The following USP12 variants were observed in gnomAD, a reference collection of about 807,000 sequenced individuals.
USP12 encodes ubiquitin carboxyl-terminal hydrolase 12.
A neutral mutation model predicts 45.5 loss-of-function variants in USP12; 19 were observed. The ratio of observed to expected loss-of-function variants is 0.42; its 90% confidence interval spans 0.29 to 0.61. USP12 has a LOEUF of 0.61. USP12 is among the 20% of genes least tolerant of loss of function. The pLI is 0.22. For missense variants in USP12, 242 were observed against 447.7 expected (o/e 0.54, Z 4.15); for synonymous variants, 149 against 148.8 (o/e 1.00, Z -0.01).
At chr13:27,075,798 G>A (rs879276914) in intron 6 of USP12, among the ~76,000 whole-genome samples, 2 of 152,132 alleles carry the variant, frequency 1.3e-5, no homozygotes, top group Admixed American at 6.5e-5. Context: ...GGGAGGCCGA[G>A]GCAGGTGGAT....
chr13:27,113,706 G>T (rs551198617), intron 2 of USP12, among the ~76,000 whole-genome samples: 1 of 152,264 alleles, frequency 6.6e-6, no homozygotes, highest in African/African-American at 2.4e-5. Context: ...AACAGGGCTG[G>T]ACGCTTGGTA....
At chr13:27,114,840 TAGAC>T (rs1363880940) in intron 2 of USP12, among the ~76,000 whole-genome samples, 1 of 151,846 alleles carries the variant, frequency 6.6e-6, no homozygotes, top group Non-Finnish European at 1.5e-5. Context: ...TTTTAAAAAT[TAGAC>T]AGGCATGGTG....
At chr13:27,154,718 A>G (rs930600584) in intron 1 of USP12, among the ~76,000 whole-genome samples, 6 of 148,206 alleles carry the variant, frequency 4.0e-5, no homozygotes, top group African/African-American at 1.5e-4. Flanking sequence ...CCTAATCCCC[A>G]GAACCTGTGA....
Position 27,095,824 on chromosome 13 carries a change from A to C in USP12, c.350T>G (p.Phe117Cys). 1 of 1,582,290 alleles carries C rather than the reference A, an allele frequency of 6.3e-7. No individual in the cohort carries two copies. The highest frequency in any genetic ancestry group is 1.2e-5 in the South Asian group (1 of 84,016). ...GGCATCTTGTTGCATGTAGTTGTCA[A>C]AAAGCTCTGAAAATAAAAACATTAT... is the stretch of plus-strand genomic sequence containing the variant. ...ITRLRKENEL[F>C]DNYMQQDAHE... is the part of the protein sequence containing the mutation. The change falls in exon 4 of 9, where the codon TTT becomes TGT. Residue 117 changes from phenylalanine (F) to cysteine (C), a missense_variant. This residue lies in a region of USP12 where 77 missense variants were observed against 153.7 expected (regional missense o/e 0.50). Transcript: ENST00000282344.
intron 1 of USP12, among the ~76,000 whole-genome samples, chr13:27,153,511 G>T (rs1367504821): frequency 6.6e-6 from 1 of 152,124 alleles, no homozygotes; most frequent in Non-Finnish European, 1.5e-5. Context: ...GACAAGAGTG[G>T]AAACGTCACT....
chr13:27,083,324 T>C (rs916092711), intron 6 of USP12, among the ~76,000 whole-genome samples: 1 of 152,242 alleles, frequency 6.6e-6, no homozygotes, highest in Non-Finnish European at 1.5e-5. Flanking sequence ...ATGGCACTGA[T>C]AGACTTGCTC....
intron 6 of USP12, among the ~76,000 whole-genome samples, chr13:27,086,774 C>T (rs561633986): frequency 7.0e-4 from 106 of 152,252 alleles, no homozygotes; most frequent in African/African-American, 2.4e-3. Flanking sequence ...ACTTATCCAA[C>T]GGTCTTAGGT....
chr13:27,069,895 C>A (rs1340246188), intron 8 of USP12, among the ~76,000 whole-genome samples: 1 of 152,136 alleles, frequency 6.6e-6, no homozygotes, highest in African/African-American at 2.4e-5. Context: ...GGTGGTGAGC[C>A]GAGATCGCAC....
chr13:27,101,654 C>CA (rs952753575), intron 3 of USP12, among the ~76,000 whole-genome samples: 79 of 147,520 alleles, frequency 5.4e-4, no homozygotes, highest in African/African-American at 1.1e-3. Flanking sequence ...AACAATAATG[C>CA]AAAAAAAAAT....
intron 3 of USP12, among the ~76,000 whole-genome samples, chr13:27,103,843 C>T (rs903389538): frequency 3.3e-5 from 5 of 151,574 alleles, no homozygotes; most frequent in African/African-American, 1.2e-4. Flanking sequence ...TAAAAATACC[C>T]CAGGTTTGAC....
At chr13:27,145,966 G>A (rs1422543558) in intron 1 of USP12, among the ~76,000 whole-genome samples, 1 of 151,988 alleles carries the variant, frequency 6.6e-6, no homozygotes, top group Non-Finnish European at 1.5e-5. Context: ...ACAAACTGAG[G>A]GCACACTCAC....
intron 1 of USP12, among the ~76,000 whole-genome samples, chr13:27,142,243 A>G (rs1237869603): frequency 2.0e-5 from 3 of 152,246 alleles, no homozygotes; most frequent in Non-Finnish European, 4.4e-5. Context: ...AAGAAACAGC[A>G]GCCAAACCCA....
intron 3 of USP12, among the ~76,000 whole-genome samples, chr13:27,097,198 G>C (rs1874626845): frequency 6.6e-6 from 1 of 151,790 alleles, no homozygotes; most frequent in African/African-American, 2.4e-5. Context: ...CAAGCGCAGT[G>C]GCTCATGCCT....
At chr13:27,107,088 G>A (rs1875176792) in intron 2 of USP12, among the ~76,000 whole-genome samples, 1 of 152,134 alleles carries the variant, frequency 6.6e-6, no homozygotes, top group Admixed American at 6.5e-5. Flanking sequence ...ACTTTGGGAG[G>A]CCGAGGCAGG....
At position 27,171,531 on chromosome 13, in the gene USP12, A is replaced by G. The variant is rs1593222316; in HGVS notation, c.48+61T>C. The G allele has an allele frequency of 5.3e-6, 5 of 950,934 alleles. No individual in the cohort carries two copies. The Admixed American group carries it at 1.5e-4, about 28-fold the overall frequency. The allele number at this position is 950,934 out of a possible 1,614,324, so 58.9% of individuals were successfully genotyped here. ...AGCGGCCACTGGGAGAGGCGGGTCCAGCGCCGCCCGCCCGCCCGAGAGGTC... is the reference window on the plus strand; with the variant it reads ...AGCGGCCACTGGGAGAGGCGGGTCCGGCGCCGCCCGCCCGCCCGAGAGGTC... On this transcript the variant is annotated intron_variant, in intron 1 of 8. Coordinates refer to ENST00000282344, the MANE Select transcript of USP12 (RefSeq NM_182488.4).
At chr13:27,118,752 G>C (rs951984233) in intron 1 of USP12, among the ~76,000 whole-genome samples, 1 of 152,088 alleles carries the variant, frequency 6.6e-6, no homozygotes, top group Non-Finnish European at 1.5e-5. Flanking sequence ...TAAAATACCA[G>C]TCCATACACC....
intron 2 of USP12, among the ~76,000 whole-genome samples, chr13:27,113,103 T>C (rs1340260240): frequency 1.3e-5 from 2 of 151,924 alleles, no homozygotes; most frequent in Non-Finnish European, 2.9e-5. Context: ...AGCATGGTGG[T>C]GTGCACCTGT....
intron 1 of USP12, chr13:27,170,176 G>A (rs1245496234): frequency 2.5e-6 from 1 of 396,684 alleles, no homozygotes; most frequent in African/African-American, 2.1e-5. Context: ...CATCCAGTTG[G>A]GAAATGGAGT....
chr13:27,169,093 C>T (rs1878473592), intron 1 of USP12: 1 of 152,140 alleles, frequency 6.6e-6, no homozygotes, highest in Non-Finnish European at 1.5e-5. Flanking sequence ...ACTTGGTACT[C>T]CAGATCAAAC....
Sources: gnomAD v4.1 joint callset for allele counts (sites outside exome capture counted in the v4.1 genomes callset) on GRCh38, gnomAD v4.1.1 for gene constraint, gnomAD v4.1.1 regional missense constraint, MANE v1.5 for transcripts, NCBI Gene and HGNC (gene_info 2026-07-23, HGNC 2026-07-21) for gene names.